Variants in EIF2AK1 observed in about 807,000 individuals in gnomAD.
The protein encoded by EIF2AK1 is eukaryotic translation initiation factor 2 alpha kinase 1, also known as eukaryotic translation initiation factor 2-alpha kinase 1.
Under a neutral mutation model 77.9 loss-of-function variants are expected in EIF2AK1, and 54 were observed. The ratio of observed to expected loss-of-function variants is 0.69; its 90% confidence interval spans 0.56 to 0.87. The LOEUF is 0.87. Among genes scored for constraint, EIF2AK1 ranks in the 40% least tolerant of loss-of-function variants. The pLI, the probability that EIF2AK1 is intolerant of heterozygous loss-of-function variation, is 0.00. For synonymous variants in EIF2AK1, 314 were observed against 290.5 expected (o/e 1.08, Z -0.82); for missense variants, 810 against 768.6 (o/e 1.05, Z -0.64).
At chr7:6,044,793 C>A (rs1467979403) in intron 6 of EIF2AK1, 132 bp from the exon 7 acceptor site, 5 of 716,016 alleles carry the variant, frequency 7.0e-6, no homozygotes, top group Non-Finnish European at 1.2e-5. Flanking sequence ...CAATTTTTGA[C>A]ATACTTTGAA....
rs1158796385 is a variant in EIF2AK1, at chr7:6,036,333, G to C, written c.1332+1091C>G. On this transcript the variant is annotated intron_variant, in intron 11 of 14. Transcript: ENST00000199389. The surrounding 1 kb of genome is among the most constrained non-coding windows in gnomAD (Gnocchi z 4.6). ...ACAGCACTTGAAGCAATTCCTCCCA[G>C]TGACAATATGGAATTCTGTCTACTG... is the stretch of plus-strand genomic sequence containing the variant. 3.3e-6 allele frequency: 5 copies of C among 1,537,988 alleles called. No individual in the cohort carries two copies. Among genetic ancestry groups the C allele is most frequent in the Non-Finnish European group, 4.4e-6 (5 of 1,142,708 alleles).
intron 1 of EIF2AK1, among the ~76,000 whole-genome samples, chr7:6,056,628 A>ATATATATATATATATATATATATATATG (rs749747260): frequency 2.3e-3 from 172 of 75,614 alleles, no homozygotes; most frequent in Non-Finnish European, 2.8e-3. Context: ...ATATATATAT[A>ATATATATATATATATATATATATATATG]TATATATAAA....
Position 6,049,893 on chromosome 7 carries a change from T to G in EIF2AK1, c.411+19A>C. 1 of 1,596,988 alleles carries G rather than the reference T, an allele frequency of 6.3e-7. No homozygotes were observed. Among genetic ancestry groups the G allele is most frequent in the East Asian group, 2.2e-5 (1 of 44,602 alleles). On this transcript the variant is annotated intron_variant, in intron 3 of 14. Transcript: ENST00000199389. ...AAGTATATTTTTGTCATACCCAAAG[T>G]ATATTTTTTAGGGCTTACCTGACGA...
At chr7:6,031,666 G>T in intron 11 of EIF2AK1, 4 of 1,434,334 alleles carry the variant, frequency 2.8e-6, no homozygotes, top group Middle Eastern at 1.9e-4. Context: ...TAAAGCTGGT[G>T]AACCCACTAA....
intron 2 of EIF2AK1, 50 bp downstream of exon 2, chr7:6,054,496 G>A (rs371826975): frequency 2.1e-5 from 33 of 1,601,330 alleles, no homozygotes; most frequent in South Asian, 1.2e-4. Context: ...GAACCACGGA[G>A]CCCAGCCTTT....
At position 6,038,439 on chromosome 7, in the gene EIF2AK1, A is replaced by T. The variant is rs912188055; in HGVS notation, c.1231+121T>A. On this transcript the variant is annotated intron_variant, in intron 10 of 14. Coordinates refer to ENST00000199389, the MANE Select transcript of EIF2AK1 (RefSeq NM_014413.4). ...AACAAACAGAGCAAAGCTCTGTCTC[A>T]AAAAAATAAAATAAATAAAAAATAA... The T allele has an allele frequency of 1.1e-5, 7 of 655,932 alleles. No individual in the cohort carries two copies. The African/African-American group carries it at 1.1e-4, about 11-fold the overall frequency. The allele number at this position is 655,932 out of a possible 1,614,324, so 40.6% of individuals were successfully genotyped here. A position where few individuals can be genotyped will look rare whatever the true frequency, so the allele number is the denominator to read the frequency against.
chr7:6,027,015 G>T lies in EIF2AK1; in HGVS notation c.1531-54C>A. On this transcript the variant is annotated intron_variant, in intron 13 of 14. Transcript: ENST00000199389. This position sits in a 1 kb window ranked among gnomAD's most constrained non-coding sequence, Gnocchi z 4.5. Reference sequence around the variant, plus strand: ...TAGTGAAATACAAAGTTAGAAGAACGTTTCCATTTCCGTGTTCCACCCTCC... The same window carrying T: ...TAGTGAAATACAAAGTTAGAAGAACTTTTCCATTTCCGTGTTCCACCCTCC... 1 of 1,461,212 alleles carries T rather than the reference G, an allele frequency of 6.8e-7. No homozygotes were observed. The highest frequency in any genetic ancestry group is 9.5e-7 in the Non-Finnish European group (1 of 1,049,674). The allele number at this position is 1,461,212 out of a possible 1,614,324, so 90.5% of individuals were successfully genotyped here. A position where few individuals can be genotyped will look rare whatever the true frequency, so the allele number is the denominator to read the frequency against.
At position 6,036,011 on chromosome 7, in the gene EIF2AK1, C is replaced by G. The variant is rs1422892157; in HGVS notation, c.1332+1413G>C. 24 of 1,550,928 alleles carry G rather than the reference C, an allele frequency of 1.5e-5. No individual in the cohort carries two copies. Among genetic ancestry groups the G allele is most frequent in the Non-Finnish European group, 1.9e-5 (22 of 1,147,102 alleles). On this transcript the variant is annotated intron_variant, in intron 11 of 14. Coordinates refer to ENST00000199389, the MANE Select transcript of EIF2AK1 (RefSeq NM_014413.4). The surrounding 1 kb of genome is among the most constrained non-coding windows in gnomAD (Gnocchi z 4.6). ...GCTTTGGAGGCAGAGAGGCAATCAT[C>G]AATCTCCTGCTTGAATTTGAAGCAA...
In EIF2AK1 at chr7:6,035,077, A is replaced by G. The variant is rs1280990358; in HGVS notation, c.1332+2347T>C. On this transcript the variant is annotated intron_variant, in intron 11 of 14. Transcript: ENST00000199389. The surrounding 1 kb of genome is among the most constrained non-coding windows in gnomAD (Gnocchi z 5.5). ...CTGTGTGAGGTGCCAGACTGCAGAA[A>G]TCACTAAGATACAGCCTTGAAGGGA... 2.0e-5 allele frequency among the ~76,000 whole-genome samples: 3 copies of G among 152,206 alleles called. No individual in the cohort carries two copies. The highest frequency in any genetic ancestry group is 4.4e-5 in the Non-Finnish European group (3 of 68,044).
In EIF2AK1 at chr7:6,038,576, A is replaced by G. The variant is rs748254438; in HGVS notation, c.1215T>C (p.Tyr405=). Residue 405 remains tyrosine (Y), a synonymous_variant, in exon 10 of 15, where the codon TAT becomes TAC. Transcript: ENST00000199389. ...GGTACTCACAGGCAGACTCGTCCAC[A>G]TACTCCCGGCCCCGCTTGTTTCTCT... The part of the protein sequence containing the change: ...IVERNKRGRE[Y]VDESACPYVM... The G allele has an allele frequency of 2.5e-6, 4 of 1,611,978 alleles. No individual in the cohort carries two copies. Among genetic ancestry groups the G allele is most frequent in the African/African-American group, 1.3e-5 (1 of 74,936 alleles).
intron 11 of EIF2AK1, 76 bp downstream of exon 11, chr7:6,037,348 G>T: frequency 3.2e-6 from 3 of 927,802 alleles, no homozygotes; most frequent in Non-Finnish European, 1.7e-6. Flanking sequence ...ATCTTATTTA[G>T]TTTAATCAAC....
At chr7:6,034,398 G>A (rs909552217) in intron 11 of EIF2AK1, among the ~76,000 whole-genome samples, 2 of 151,946 alleles carry the variant, frequency 1.3e-5, no homozygotes, top group East Asian at 3.9e-4. Context: ...GCCTCTCCCT[G>A]AGCACCCCAC....
intron 11 of EIF2AK1, chr7:6,031,268 G>A (rs1030437953): frequency 5.4e-6 from 6 of 1,120,874 alleles, no homozygotes; most frequent in Admixed American, 4.8e-5. Context: ...TCCAATTCTC[G>A]ACAAATTCTA....
Position 6,050,184 on chromosome 7 carries a change from C to T in EIF2AK1, c.278-139G>A, listed in dbSNP as rs184163478. 143 of 701,622 alleles carry T rather than the reference C, an allele frequency of 2.0e-4. 1 individual carries two copies. Among genetic ancestry groups the T allele is most frequent in the Admixed American group, 3.3e-4 (10 of 29,892 alleles). 43.5% of individuals were successfully genotyped at this position (701,622 alleles called of 1,614,324 possible). On this transcript the variant is annotated intron_variant, in intron 2 of 14. Transcript: ENST00000199389. The stretch of plus-strand genomic sequence containing the variant: ...AGGAAAAATACTATATTTATAAACA[C>T]GTTAAACTTGGAGAATGTTCTCTAG...
chr7:6,055,082 C>T (rs1295440929), intron 1 of EIF2AK1, among the ~76,000 whole-genome samples: 1 of 152,114 alleles, frequency 6.6e-6, no homozygotes, highest in Non-Finnish European at 1.5e-5. Flanking sequence ...GTTGTTCATG[C>T]CTGTAATCCC....
Position 6,024,739 on chromosome 7 carries a change from C to T in EIF2AK1, c.1827G>A (p.Lys609=). ...EQEKEIAELK[K]QLNLLSQDKG... is the part of the protein sequence containing the mutation. ...TGTCTTGAGAAAGGAGGTTTAGCTG[C>T]TTCTTTAGTTCTGCAATTTCTTTTT... is the stretch of plus-strand genomic sequence containing the variant. Residue 609 remains lysine, a synonymous_variant, in exon 15 of 15, where the codon AAG becomes AAA. Transcript: ENST00000199389. 6.2e-7 allele frequency: 1 copy of T among 1,602,004 alleles called. No homozygotes were observed. The highest frequency in any genetic ancestry group is 8.5e-7 in the Non-Finnish European group (1 of 1,176,448).
chr7:6,036,437 C>A lies in EIF2AK1; in HGVS notation c.1332+987G>T. 7.5e-7 allele frequency: 1 copy of A among 1,329,460 alleles called. No individual in the cohort carries two copies. Among genetic ancestry groups the A allele is most frequent in the Non-Finnish European group, 9.9e-7 (1 of 1,007,042 alleles). 82.4% of individuals were successfully genotyped at this position (1,329,460 alleles called of 1,614,324 possible). ...GAGGGACTTTCAGCCACTCAAACTG[C>A]ATTTTCTGGCTAGACATGTCCCAGA... On this transcript the variant is annotated intron_variant, in intron 11 of 14. Coordinates refer to ENST00000199389, the MANE Select transcript of EIF2AK1 (RefSeq NM_014413.4). This position sits in a 1 kb window ranked among gnomAD's most constrained non-coding sequence, Gnocchi z 4.6.
Position 6,023,252 on chromosome 7 carries a change from T to C in EIF2AK1, c.*1421A>G. ...GTCCCCTTCCCCACTGTGCGAGTAC[T>C]TCCCTCAGGGCTGCTCTGGTGATGC... On this transcript the variant is annotated 3_prime_UTR_variant, in exon 15 of 15. Coordinates refer to ENST00000199389, the MANE Select transcript of EIF2AK1 (RefSeq NM_014413.4). 1.3e-6 allele frequency: 2 copies of C among 1,526,412 alleles called. No individual in the cohort carries two copies. The highest frequency in any genetic ancestry group is 1.7e-6 in the Non-Finnish European group (2 of 1,146,170). The allele number at this position is 1,526,412 out of a possible 1,614,324, so 94.6% of individuals were successfully genotyped here.
chr7:6,041,563 C>T (rs1207489305), intron 8 of EIF2AK1, among the ~76,000 whole-genome samples: 3 of 151,454 alleles, frequency 2.0e-5, no homozygotes, highest in South Asian at 2.1e-4. Flanking sequence ...AAAAGTCGGC[C>T]GGGTGCAGTG....
Sources: gnomAD v4.1 joint callset for allele counts (sites outside exome capture counted in the v4.1 genomes callset) on GRCh38, gnomAD v4.1.1 for gene constraint, Gnocchi (gnomAD v3.1) non-coding constraint, MANE v1.5 for transcripts, NCBI Gene and HGNC (gene_info 2026-07-23, HGNC 2026-07-21) for gene names.